Variants in YME1L1 observed in about 807,000 individuals in gnomAD.
YME1L1 encodes the protein ATP-dependent zinc metalloprotease YME1L1.
A neutral mutation model predicts 90.4 loss-of-function variants in YME1L1; 39 were observed. The ratio of observed to expected loss-of-function variants is 0.43; its 90% CI spans 0.33 to 0.56. The LOEUF (loss-of-function observed/expected upper bound fraction) is 0.56, where lower values mean the gene tolerates loss of function less well. YME1L1 is among the 20% of genes least tolerant of loss of function. The probability of loss-of-function intolerance (pLI) is 0.03; values close to 1 mark genes in which losing one functional copy is unlikely to be tolerated. For missense variants in YME1L1, 617 were observed against 868.4 expected, an observed-to-expected ratio of 0.71 and a Z score of 3.64; for synonymous variants, 284 against 287.3, an observed-to-expected ratio of 0.99 and a Z score of 0.12.
At chr10:27,153,422 AC>A (rs1242347636) in intron 1 of YME1L1, 5 of 329,092 alleles carry the variant, frequency 1.5e-5, no homozygotes, top group Admixed American at 4.0e-5. Flanking sequence ...TGTTTTAAAA[AC>A]TATTTCTTTG....
chr10:27,131,970 T>C (rs1157046649), intron 7 of YME1L1, 29 bp from the exon 8 acceptor site: 4 of 1,563,432 alleles, frequency 2.6e-6, no homozygotes, highest in East Asian at 4.5e-5. Context: ...ATGTTTATAT[T>C]TGATAGATTA....
intron 9 of YME1L1, among the ~76,000 whole-genome samples, 199 bp downstream of exon 9, chr10:27,126,497 G>C (rs2056921005): frequency 6.6e-6 from 1 of 151,118 alleles, no homozygotes; most frequent in African/African-American, 2.4e-5. Context: ...CTTTAAATTT[G>C]AAAGTATATA....
chr10:27,150,620 G>A (rs2057201644), intron 1 of YME1L1, among the ~76,000 whole-genome samples: 1 of 152,182 alleles, frequency 6.6e-6, no homozygotes, highest in South Asian at 2.1e-4. Flanking sequence ...CTCATTATGT[G>A]CTAATTATAA....
chr10:27,122,699 ACT>A (rs1266394349), intron 11 of YME1L1, 140 bp downstream of exon 11: 15 of 1,114,250 alleles, frequency 1.3e-5, no homozygotes, highest in African/African-American at 3.2e-5. Context: ...ATGAGGGACT[ACT>A]CTGTTTCCTA....
At chr10:27,134,507 T>G (rs1231381780) in intron 6 of YME1L1, among the ~76,000 whole-genome samples, 1 of 152,148 alleles carries the variant, frequency 6.6e-6, no homozygotes, top group Non-Finnish European at 1.5e-5. Flanking sequence ...CCCAGAAAGT[T>G]AAGGCTACAA....
At position 27,154,350 on chromosome 10, in the gene YME1L1, G is replaced by T; in HGVS notation, c.-140C>A. On this transcript the variant is annotated 5_prime_UTR_variant, in exon 1 of 19. Coordinates refer to ENST00000376016, the MANE Select transcript of YME1L1 (RefSeq NM_014263.4). ...CTCACTCCTCCCAGAAACGGAAAAT[G>T]GCCTCCCCTTCCTACAGCTACTGCA... 2 of 999,378 alleles carry T rather than the reference G, an allele frequency of 2.0e-6. No individual in the cohort carries two copies. The highest frequency in any genetic ancestry group is 2.9e-6 in the Non-Finnish European group (2 of 682,004). 61.9% of individuals were successfully genotyped at this position (999,378 alleles called of 1,614,324 possible).
intron 4 of YME1L1, 83 bp from the exon 5 acceptor site, chr10:27,136,468 T>C: frequency 1.9e-6 from 2 of 1,073,920 alleles, no homozygotes; most frequent in Admixed American, 2.1e-5. Context: ...TCTGACACCC[T>C]ACCTGTATAT....
rs750959564 is a variant in YME1L1 at position 27,142,414 on chromosome 10, T to C, written c.403A>G (p.Ile135Val). The change falls in exon 4 of 19, where the codon ATT becomes GTT. Residue 135 changes from isoleucine (I) to valine (V), a missense_variant. Physicochemically the swap from Ile to Val is conservative, Grantham distance 29. Around this residue, in one of 4 missense-constraint regions of YME1L1, gnomAD observed 311 missense variants for 335.8 expected, o/e 0.93. Transcript: ENST00000376016. ...YRHHSRALQSICSDLQYWPVF... is the reference protein window; with the variant it reads ...YRHHSRALQSVCSDLQYWPVF... ...GGCCAGTACTGAAGATCTGAACAAA[T>C]GCTTTGAAGAGCTCTTGAATGATGT... The C allele has an allele frequency of 2.0e-6, 3 of 1,521,202 alleles. No homozygotes were observed. The highest frequency in any genetic ancestry group is 5.0e-5 in the East Asian group (2 of 40,252). 94.2% of individuals were successfully genotyped at this position (1,521,202 alleles called of 1,614,324 possible).
At chr10:27,121,605 G>A (rs2056868267) in intron 11 of YME1L1, among the ~76,000 whole-genome samples, 157 bp from the exon 12 acceptor site, 1 of 152,142 alleles carries the variant, frequency 6.6e-6, no homozygotes, top group South Asian at 2.1e-4. Context: ...GCTCACTGCT[G>A]CCTCAAACTC....
chr10:27,130,623 G>C (rs2056966093), intron 8 of YME1L1, among the ~76,000 whole-genome samples: 1 of 152,204 alleles, frequency 6.6e-6, no homozygotes, highest in African/African-American at 2.4e-5. Context: ...ACTTTGATCT[G>C]CGTGGATCAC....
At chr10:27,113,248 A>T (rs201795175) in intron 18 of YME1L1, among the ~76,000 whole-genome samples, 2,206 of 118,752 alleles carry the variant, frequency 0.019, 278 homozygotes, top group East Asian at 0.17. Flanking sequence ...AAAAAAAAAA[A>T]AAAAAAAAAA....
intron 18 of YME1L1, among the ~76,000 whole-genome samples, chr10:27,112,702 ACTCT>A (rs1226697904): frequency 2.4e-4 from 36 of 149,546 alleles, no homozygotes; most frequent in African/African-American, 7.2e-4. Flanking sequence ...CAGCTCTGTC[ACTCT>A]CTCTCTCTCT....
At chr10:27,149,770 T>A (rs1974365) in intron 1 of YME1L1, among the ~76,000 whole-genome samples, 87,629 of 124,166 alleles carry the variant, frequency 0.71, 30,743 homozygotes, top group East Asian at 0.88. Context: ...ATCCAACATT[T>A]AAAAAAAAAA....
rs755448155 is a variant in YME1L1 at position 27,116,199 on chromosome 10, A to C, written c.1846+20T>G. The stretch of plus-strand genomic sequence containing the variant: ...TAAGACCACATATAATTTGAACTAA[A>C]GCCATTCTTTAAAGCTAACCTGTTG... On this transcript the variant is annotated intron_variant, in intron 16 of 18. Transcript: ENST00000376016. 2.5e-6 allele frequency: 4 copies of C among 1,614,108 alleles called. No individual in the cohort carries two copies. The South Asian group carries it at 3.3e-5, about 13-fold the overall frequency.
At chr10:27,133,941 T>C (rs1395813513) in intron 7 of YME1L1, 98 bp downstream of exon 7, 1 of 858,566 alleles carries the variant, frequency 1.2e-6, no homozygotes, top group Non-Finnish European at 1.8e-6. Context: ...ACTGTAAACA[T>C]TAATATGTTC....
At chr10:27,143,271 A>G (rs1261000106) in intron 3 of YME1L1, among the ~76,000 whole-genome samples, 2 of 151,966 alleles carry the variant, frequency 1.3e-5, no homozygotes, top group African/African-American at 4.8e-5. Flanking sequence ...CAGGAGGCTG[A>G]GGCAGGAGAA....
chr10:27,145,301 C>CAAA, intron 3 of YME1L1, 127 bp downstream of exon 3: 5 of 510,050 alleles, frequency 9.8e-6, no homozygotes, highest in East Asian at 4.2e-5. Context: ...AAAAAAAAAA[C>CAAA]AAAAAAAAAA....
chr10:27,125,458 G>GAAA (rs68143135), intron 9 of YME1L1, among the ~76,000 whole-genome samples: 2,373 of 107,602 alleles, frequency 0.022, 69 homozygotes, highest in African/African-American at 0.031. Flanking sequence ...TGTTTCATTT[G>GAAA]AAAAAAAAAA....
chr10:27,133,647 G>GT (rs1201734853), intron 7 of YME1L1, among the ~76,000 whole-genome samples: 7 of 152,002 alleles, frequency 4.6e-5, no homozygotes, highest in East Asian at 1.9e-4. Flanking sequence ...TTGGAACCAC[G>GT]TAAGTCTGAC....
Sources: gnomAD v4.1 joint callset for allele counts (sites outside exome capture counted in the v4.1 genomes callset) on GRCh38, gnomAD v4.1.1 for gene constraint, gnomAD v4.1.1 regional missense constraint, MANE v1.5 for transcripts, NCBI Gene and HGNC (gene_info 2026-07-23, HGNC 2026-07-21) for gene names.